The following TMCC1 variants were observed in gnomAD, a reference collection of about 807,000 sequenced individuals.
TMCC1 encodes transmembrane and coiled-coil domains protein 1.
In TMCC1, 15 loss-of-function variants were observed where a neutral mutation model predicts 52.4. The ratio of observed to expected loss-of-function variants is 0.29; its 90% confidence interval spans 0.19 to 0.44. The LOEUF is 0.44. Among genes scored for constraint, TMCC1 ranks in the 20% least tolerant of loss-of-function variants. TMCC1 has a pLI of 1.00. For missense variants in TMCC1, 503 were observed against 806.0 expected (o/e 0.62, Z 4.55); for synonymous variants, 279 against 301.9 (o/e 0.92, Z 0.79).
At chr3:129,791,667 G>A (rs192362112) in intron 4 of TMCC1, among the ~76,000 whole-genome samples, 68 of 152,284 alleles carry the variant, frequency 4.5e-4, no homozygotes, top group Non-Finnish European at 9.1e-4. Flanking sequence ...TATTTTTGAA[G>A]TCACATGTAA....
chr3:129,851,988 A>G (rs1304855734), intron 2 of TMCC1, among the ~76,000 whole-genome samples: 1 of 151,486 alleles, frequency 6.6e-6, no homozygotes, highest in Admixed American at 6.6e-5. Flanking sequence ...TGTCTCCACT[A>G]AAAATTCAAA....
At chr3:129,790,880 C>T (rs77103446) in intron 4 of TMCC1, among the ~76,000 whole-genome samples, 1,909 of 152,152 alleles carry the variant, frequency 0.013, 39 homozygotes, top group African/African-American at 0.042. Flanking sequence ...ACCTCTCTGG[C>T]CAACGAAAAC....
At chr3:129,735,287 T>A (rs867211136) in intron 4 of TMCC1, among the ~76,000 whole-genome samples, 1 of 152,080 alleles carries the variant, frequency 6.6e-6, no homozygotes. Context: ...ATTCAAATGT[T>A]TAATGAAAGA....
chr3:129,828,407 C>T lies in TMCC1; in HGVS notation c.-29G>A. 6.3e-7 allele frequency: 1 copy of T among 1,588,372 alleles called. No individual in the cohort carries two copies. ...TAGACTTAATATGCTTATTTGCAAA[C>T]TCAAAAAAATTTTTTAAACACACCA... On this transcript the variant is annotated 5_prime_UTR_variant, in exon 4 of 7. Coordinates refer to ENST00000393238, the MANE Select transcript of TMCC1 (RefSeq NM_001017395.5). The surrounding 1 kb of genome is among the most constrained non-coding windows in gnomAD (Gnocchi z 4.1).
At chr3:129,857,674 G>C (rs904673824) in intron 2 of TMCC1, among the ~76,000 whole-genome samples, 1 of 151,308 alleles carries the variant, frequency 6.6e-6, no homozygotes, top group African/African-American at 2.4e-5. Flanking sequence ...CCATTCTCCT[G>C]CCTCAGCCTC....
At chr3:129,829,696 T>A (rs2058821415) in intron 3 of TMCC1, among the ~76,000 whole-genome samples, 1 of 152,172 alleles carries the variant, frequency 6.6e-6, no homozygotes, top group Admixed American at 6.5e-5. Flanking sequence ...TTTAAGCCAC[T>A]ACCAATGAAG....
intron 2 of TMCC1, among the ~76,000 whole-genome samples, chr3:129,838,461 TA>T (rs2059266387): frequency 6.7e-6 from 1 of 148,992 alleles, no homozygotes; most frequent in Non-Finnish European, 1.5e-5. Flanking sequence ...TGCCAAACAA[TA>T]CCAAAAAAGG....
intron 2 of TMCC1, among the ~76,000 whole-genome samples, chr3:129,856,160 A>G (rs1022754511): frequency 6.6e-6 from 1 of 152,218 alleles, no homozygotes; most frequent in Non-Finnish European, 1.5e-5. Context: ...AAGTTTTAAA[A>G]AAATATTAGT....
chr3:129,649,079 C>A lies in TMCC1; in HGVS notation c.*2402G>T, dbSNP rs1481150060. ...AAACCTTCCTTTGATAGATAGAAAC[C>A]GTCCCAGGGCAAATAGGAACAGTTT... On this transcript the variant is annotated 3_prime_UTR_variant, in exon 7 of 7. Coordinates refer to ENST00000393238, the MANE Select transcript of TMCC1 (RefSeq NM_001017395.5). 6.6e-6 allele frequency: 1 copy of A among 152,124 alleles called. No homozygotes were observed. The highest frequency in any genetic ancestry group is 2.4e-5 in the African/African-American group (1 of 41,422). 9.4% of individuals were successfully genotyped at this position (152,124 alleles called of 1,614,324 possible).
chr3:129,818,668 A>G (rs984859384), intron 4 of TMCC1, among the ~76,000 whole-genome samples: 3 of 151,160 alleles, frequency 2.0e-5, no homozygotes, highest in East Asian at 1.9e-4. Flanking sequence ...CTTTTAAAGA[A>G]AAGTTTTAAA....
intron 1 of TMCC1, among the ~76,000 whole-genome samples, chr3:129,891,811 C>T (rs963831232): frequency 6.6e-6 from 1 of 152,160 alleles, no homozygotes; most frequent in Non-Finnish European, 1.5e-5. Context: ...GGAGCTTAAA[C>T]CTAAGCCCTG....
At chr3:129,860,492 G>C (rs2060339073) in intron 2 of TMCC1, among the ~76,000 whole-genome samples, 1 of 152,094 alleles carries the variant, frequency 6.6e-6, no homozygotes, top group Non-Finnish European at 1.5e-5. Context: ...TTGCACCTGA[G>C]TCTACAGTGT....
At chr3:129,845,307 C>G (rs901268154) in intron 2 of TMCC1, among the ~76,000 whole-genome samples, 7 of 151,788 alleles carry the variant, frequency 4.6e-5, no homozygotes, top group African/African-American at 1.7e-4. Context: ...AATAAGCAAG[C>G]CAACTGAGCA....
chr3:129,652,949 CTG>C (rs2108841069), intron 6 of TMCC1, among the ~76,000 whole-genome samples: 2 of 152,370 alleles, frequency 1.3e-5, no homozygotes, highest in South Asian at 4.1e-4. Context: ...CCTCTTCAGA[CTG>C]TGTTCCCCAG....
intron 4 of TMCC1, among the ~76,000 whole-genome samples, chr3:129,718,994 G>A (rs559035346): frequency 5.3e-5 from 8 of 152,188 alleles, no homozygotes; most frequent in East Asian, 1.9e-4. Flanking sequence ...GTATTTGGTC[G>A]TCTTCTCCTT....
At chr3:129,881,229 C>T (rs2061445818) in intron 1 of TMCC1, among the ~76,000 whole-genome samples, 1 of 152,132 alleles carries the variant, frequency 6.6e-6, no homozygotes, top group Non-Finnish European at 1.5e-5. Flanking sequence ...AGTGACCACG[C>T]CCAGCTGGCA....
chr3:129,698,719 ATTTTC>A (rs1181428220), intron 4 of TMCC1, among the ~76,000 whole-genome samples: 3 of 152,090 alleles, frequency 2.0e-5, no homozygotes, highest in East Asian at 3.9e-4. Context: ...CCCTCTGCCT[ATTTTC>A]TTAAGGCCTG....
chr3:129,829,180 G>A (rs1375422087), intron 3 of TMCC1, among the ~76,000 whole-genome samples: 1 of 152,170 alleles, frequency 6.6e-6, no homozygotes, highest in Non-Finnish European at 1.5e-5. Flanking sequence ...GGTTCAGACA[G>A]AATCAGAATC....
At chr3:129,705,120 G>A (rs1458620757) in intron 4 of TMCC1, among the ~76,000 whole-genome samples, 1 of 152,168 alleles carries the variant, frequency 6.6e-6, no homozygotes, top group Non-Finnish European at 1.5e-5. Flanking sequence ...GGGATCAAAC[G>A]AGTGCTGTGC....
Sources: gnomAD v4.1 joint callset for allele counts (sites outside exome capture counted in the v4.1 genomes callset) on GRCh38, gnomAD v4.1.1 for gene constraint, Gnocchi (gnomAD v3.1) non-coding constraint, MANE v1.5 for transcripts, NCBI Gene and HGNC (gene_info 2026-07-23, HGNC 2026-07-21) for gene names.